Variants in PACRG observed in about 807,000 individuals in gnomAD.
PACRG encodes parkin coregulated gene protein.
PACRG carries 29 observed loss-of-function variants against 29.7 expected under a neutral mutation model. That is an observed-to-expected ratio of 0.98 (90% CI 0.73 to 1.33). PACRG has a LOEUF of 1.33. PACRG is among the 40% of genes most tolerant of loss of function. The pLI, the probability that PACRG is intolerant of heterozygous loss-of-function variation, is 0.00. For missense variants in PACRG, 279 were observed against 316.2 expected (o/e 0.88, Z 0.89); for synonymous variants, 116 against 118.7 (o/e 0.98, Z 0.15).
chr6:163,003,146 T>C (rs922083461), intron 2 of PACRG, among the ~76,000 whole-genome samples: 1 of 152,226 alleles, frequency 6.6e-6, no homozygotes, highest in African/African-American at 2.4e-5. Flanking sequence ...TCGATGTTTA[T>C]TATCTTCTTT....
At chr6:162,829,595 C>G (rs1024353914) in intron 2 of PACRG, among the ~76,000 whole-genome samples, 1 of 152,180 alleles carries the variant, frequency 6.6e-6, no homozygotes, top group Non-Finnish European at 1.5e-5. Flanking sequence ...GAACGATGAA[C>G]TGCATATTCG....
At chr6:163,034,131 G>A (rs920468279) in intron 2 of PACRG, among the ~76,000 whole-genome samples, 3 of 151,304 alleles carry the variant, frequency 2.0e-5, no homozygotes, top group African/African-American at 7.3e-5. Flanking sequence ...AGGCGCTCAG[G>A]GAGGCCAGAG....
At chr6:163,216,489 T>C (rs1781369123) in intron 4 of PACRG, among the ~76,000 whole-genome samples, 1 of 152,176 alleles carries the variant, frequency 6.6e-6, no homozygotes, top group East Asian at 1.9e-4. Flanking sequence ...TAAGGAAATA[T>C]TTACAAATGC....
In PACRG at chr6:162,728,076, G is replaced by A. The variant is rs1205107548; in HGVS notation, c.-160G>A. On this transcript the variant is annotated 5_prime_UTR_variant, in exon 1 of 5. Transcript: ENST00000366888. ...CTAGGGTCCAGCTCCCTTCACCTAG[G>A]AGCTGCCAAACATCTGGATCAACCT... 2 of 867,328 alleles carry A rather than the reference G, an allele frequency of 2.3e-6. No individual in the cohort carries two copies. Among genetic ancestry groups the A allele is most frequent in the Admixed American group, 4.5e-5 (2 of 44,052 alleles). The allele number at this position is 867,328 out of a possible 1,614,324, so 53.7% of individuals were successfully genotyped here.
chr6:162,848,362 A>G (rs1468075603), intron 2 of PACRG, among the ~76,000 whole-genome samples: 1 of 152,240 alleles, frequency 6.6e-6, no homozygotes, highest in East Asian at 1.9e-4. Context: ...CTAGCTGGCC[A>G]GGAAAACACA....
intron 4 of PACRG, among the ~76,000 whole-genome samples, chr6:163,157,679 A>G (rs1219718366): frequency 2.0e-5 from 3 of 152,262 alleles, no homozygotes; most frequent in Non-Finnish European, 4.4e-5. Context: ...GCCACTTCTC[A>G]GAATGAAAAA....
At chr6:162,912,048 G>A (rs987593603) in intron 2 of PACRG, among the ~76,000 whole-genome samples, 1 of 152,190 alleles carries the variant, frequency 6.6e-6, no homozygotes, top group Non-Finnish European at 1.5e-5. Flanking sequence ...GGGTCCATTG[G>A]TGTTGACCAT....
intron 4 of PACRG, among the ~76,000 whole-genome samples, chr6:163,178,235 A>G (rs1281552035): frequency 6.6e-6 from 1 of 152,184 alleles, no homozygotes; most frequent in East Asian, 1.9e-4. Context: ...TTGTTGCCTC[A>G]TGAGCACGCC....
Position 162,931,017 on chromosome 6 carries a change from GATAT to G in PACRG, c.291+116737_291+116740del, listed in dbSNP as rs386708095. Among the ~76,000 whole-genome samples the G allele has an allele frequency of 8.2e-3, 1,251 of 151,890 alleles. 15 individuals carry two copies. Among genetic ancestry groups the G allele is most frequent in the African/African-American group, 0.028 (1,146 of 41,508 alleles). ...AATTTTTTCATATACGTTCTTCAGTGATATGGGCCTATAGTTTTCTTTTTTTGTT... is the reference window on the plus strand; with the variant it reads ...AATTTTTTCATATACGTTCTTCAGTGGGGCCTATAGTTTTCTTTTTTTGTT... On this transcript the variant is annotated intron_variant, in intron 2 of 4. Transcript: ENST00000366888.
chr6:163,299,542 A>G (rs1371257781), intron 4 of PACRG, among the ~76,000 whole-genome samples: 9 of 152,092 alleles, frequency 5.9e-5, no homozygotes, highest in African/African-American at 1.4e-4. Flanking sequence ...TGACTCCCCA[A>G]ATTCCCACCA....
chr6:162,987,504 T>A lies in PACRG; in HGVS notation c.292-74646T>A, dbSNP rs553754314. Among the ~76,000 whole-genome samples the A allele has an allele frequency of 7.9e-5, 12 of 152,268 alleles. No homozygotes were observed. The East Asian group carries it at 2.1e-3, about 27-fold the overall frequency. Reference sequence around the variant, plus strand: ...GTGGGTTTTTCCCATGCTGTTCTCATGACAGTGAATAAGTCCCACGAGATC... The same window carrying A: ...GTGGGTTTTTCCCATGCTGTTCTCAAGACAGTGAATAAGTCCCACGAGATC... On this transcript the variant is annotated intron_variant, in intron 2 of 4. Transcript: ENST00000366888.
At chr6:162,771,364 A>T (rs1241666006) in intron 1 of PACRG, among the ~76,000 whole-genome samples, 1 of 152,186 alleles carries the variant, frequency 6.6e-6, no homozygotes, top group African/African-American at 2.4e-5. Flanking sequence ...GTGGTCCACC[A>T]TTCCTCTTCC....
chr6:163,021,644 T>C (rs1450298977), intron 2 of PACRG, among the ~76,000 whole-genome samples: 1 of 152,126 alleles, frequency 6.6e-6, no homozygotes, highest in African/African-American at 2.4e-5. Flanking sequence ...AACTCTAAGC[T>C]CCTGACAGCC....
Position 162,814,131 on chromosome 6 carries a change from T to C in PACRG, c.157-16T>C. 1.3e-6 allele frequency: 2 copies of C among 1,593,296 alleles called. No homozygotes were observed. The highest frequency in any genetic ancestry group is 1.7e-6 in the Non-Finnish European group (2 of 1,172,930). On this transcript the variant is annotated splice_polypyrimidine_tract_variant and intron_variant, in intron 1 of 4. Transcript: ENST00000366888. ...TGTCTTAAAACCTGATCCCTATTTT[T>C]TTTTTTCCAATTAAGGTGAGAGGCC...
chr6:162,778,122 TG>T (rs1434475523), intron 1 of PACRG, among the ~76,000 whole-genome samples: 1 of 152,100 alleles, frequency 6.6e-6, no homozygotes, highest in African/African-American at 2.4e-5. Context: ...TTCGGTGTTT[TG>T]GGGGGAGGAA....
chr6:163,037,186 G>A (rs1439426476), intron 2 of PACRG, among the ~76,000 whole-genome samples: 3 of 152,156 alleles, frequency 2.0e-5, no homozygotes, highest in African/African-American at 7.2e-5. Context: ...AGAAGAGAAG[G>A]AGGCATCTGA....
chr6:163,156,970 G>T (rs1026174680), intron 4 of PACRG, among the ~76,000 whole-genome samples: 1 of 152,178 alleles, frequency 6.6e-6, no homozygotes, highest in Non-Finnish European at 1.5e-5. Context: ...TCTTTAATGT[G>T]AGCATGTGTG....
chr6:163,303,020 G>T (rs4708988), intron 4 of PACRG, among the ~76,000 whole-genome samples: 31,571 of 151,908 alleles, frequency 0.21, 4,231 homozygotes, highest in African/African-American at 0.38. Context: ...TAATGTGTTT[G>T]CTGATAACAT....
At chr6:163,249,038 A>T in intron 4 of PACRG, among the ~76,000 whole-genome samples, 1 of 147,176 alleles carries the variant, frequency 6.8e-6, no homozygotes. Context: ...AAAAAAAAAA[A>T]GACAAAGCTG....
Sources: allele counts gnomAD v4.1 joint callset (sites outside exome capture counted in the v4.1 genomes callset), GRCh38; gene constraint gnomAD v4.1.1; transcripts MANE v1.5; gene names NCBI Gene and HGNC (gene_info 2026-07-23, HGNC 2026-07-21).